ZC2HC1A: variants seen among roughly 807,000 people sequenced by gnomAD.
The protein encoded by ZC2HC1A is zinc finger C2HC-type containing 1A.
In ZC2HC1A, 28 loss-of-function variants were observed where a neutral mutation model predicts 40.7. The observed-to-expected ratio is 0.69, with a 90% CI of 0.51 to 0.94. The LOEUF (loss-of-function observed/expected upper bound fraction) is 0.94. Ranked by LOEUF, ZC2HC1A falls within the 40% of genes least tolerant of loss-of-function variation. ZC2HC1A has a pLI of 0.00. For synonymous variants in ZC2HC1A, 129 were observed against 129.2 expected, an observed-to-expected ratio of 1.00 and a Z score of 0.01; for missense variants, 389 against 386.3, an observed-to-expected ratio of 1.01 and a Z score of -0.06.
At chr8:78,706,035 T>C (rs1474185226) in intron 7 of ZC2HC1A, among the ~76,000 whole-genome samples, 1 of 152,192 alleles carries the variant, frequency 6.6e-6, no homozygotes, top group Non-Finnish European at 1.5e-5. Context: ...GACCACATTT[T>C]GGTAAAGAAG....
Position 78,700,168 on chromosome 8 carries a change from G to A in ZC2HC1A, c.704+1655G>A, listed in dbSNP as rs1810554611. Among the ~76,000 whole-genome samples the A allele has an allele frequency of 2.6e-5, 4 of 152,136 alleles. No individual in the cohort carries two copies. The South Asian group carries it at 6.2e-4, about 24-fold the overall frequency. ...TTTAACAGCAGCCATTCTGACTAGT[G>A]TGAGATAATACCTCATTGTGGTTTT... On this transcript the variant is annotated intron_variant, in intron 7 of 8. Transcript: ENST00000263849.
At chr8:78,690,411 T>G (rs925148116) in intron 5 of ZC2HC1A, among the ~76,000 whole-genome samples, 1 of 151,966 alleles carries the variant, frequency 6.6e-6, no homozygotes. Context: ...ATACAAAAAA[T>G]TAGCTGGACG....
At chr8:78,682,136 A>G (rs1296289390) in intron 3 of ZC2HC1A, among the ~76,000 whole-genome samples, 1 of 152,160 alleles carries the variant, frequency 6.6e-6, no homozygotes, top group Non-Finnish European at 1.5e-5. Context: ...GGGTATCTCA[A>G]TAATATTACA....
intron 1 of ZC2HC1A, among the ~76,000 whole-genome samples, chr8:78,668,918 A>G (rs1334168688): frequency 6.6e-6 from 1 of 152,114 alleles, no homozygotes; most frequent in Non-Finnish European, 1.5e-5. Context: ...CATATCCCTG[A>G]TAAATGGTTA....
intron 7 of ZC2HC1A, among the ~76,000 whole-genome samples, chr8:78,711,304 T>C (rs1810942401): frequency 1.3e-5 from 2 of 152,108 alleles, no homozygotes. Context: ...AACAGTGAAA[T>C]ATCCTACAAA....
intron 1 of ZC2HC1A, among the ~76,000 whole-genome samples, chr8:78,674,647 A>G (rs1397649591): frequency 6.6e-6 from 1 of 152,182 alleles, no homozygotes; most frequent in African/African-American, 2.4e-5. Flanking sequence ...ATCTGAGATG[A>G]AAAGTAATCA....
At chr8:78,694,459 G>C (rs556147711) in intron 5 of ZC2HC1A, among the ~76,000 whole-genome samples, 1 of 152,070 alleles carries the variant, frequency 6.6e-6, no homozygotes, top group East Asian at 1.9e-4. Flanking sequence ...TATCAGTCTG[G>C]AAACATTTGA....
At chr8:78,698,369 A>G in intron 6 of ZC2HC1A, 45 bp from the exon 7 acceptor site, 1 of 1,485,154 alleles carries the variant, frequency 6.7e-7, no homozygotes, top group Admixed American at 1.9e-5. Flanking sequence ...GTTTTATGTA[A>G]CCTTTTTTAG....
At chr8:78,710,861 C>T (rs1312363970) in intron 7 of ZC2HC1A, among the ~76,000 whole-genome samples, 2 of 152,020 alleles carry the variant, frequency 1.3e-5, no homozygotes, top group Non-Finnish European at 2.9e-5. Flanking sequence ...TTAATATCAA[C>T]TTTTTCAACA....
intron 1 of ZC2HC1A, among the ~76,000 whole-genome samples, chr8:78,670,480 C>CT (rs1053422423): frequency 2.0e-5 from 3 of 152,114 alleles, no homozygotes; most frequent in African/African-American, 7.2e-5. Context: ...TACTAAGCTT[C>CT]TTTTTTTAAG....
chr8:78,685,847 A>G (rs1809951321), intron 3 of ZC2HC1A: 1 of 152,234 alleles, frequency 6.6e-6, no homozygotes, highest in African/African-American at 2.4e-5. Context: ...ATAGAGTACC[A>G]CAAACTGGAT....
Position 78,712,692 on chromosome 8 carries a change from G to T in ZC2HC1A, c.705-2529G>T, listed in dbSNP as rs1332611603. On this transcript the variant is annotated intron_variant, in intron 7 of 8. Coordinates refer to ENST00000263849, the MANE Select transcript of ZC2HC1A (RefSeq NM_016010.3). The stretch of plus-strand genomic sequence containing the variant: ...CAGTTCTGACCTGGCTGGCTGAAAA[G>T]AGTGTGTGGCAATGGCAGTTACTTT... 4.6e-5 allele frequency among the ~76,000 whole-genome samples: 7 copies of T among 152,148 alleles called. No individual in the cohort carries two copies. The South Asian group carries it at 1.4e-3, about 31-fold the overall frequency.
chr8:78,715,720 T>G (rs1811080392), intron 8 of ZC2HC1A, among the ~76,000 whole-genome samples: 1 of 152,096 alleles, frequency 6.6e-6, no homozygotes, highest in Non-Finnish European at 1.5e-5. Flanking sequence ...GCAGATGTCA[T>G]TGAACTGCTG....
intron 7 of ZC2HC1A, 132 bp downstream of exon 7, chr8:78,698,645 C>A: frequency 1.7e-6 from 1 of 586,890 alleles, no homozygotes; most frequent in Non-Finnish European, 2.7e-6. Context: ...TTTTGCTGGT[C>A]AGGAGCACAC....
intron 5 of ZC2HC1A, among the ~76,000 whole-genome samples, chr8:78,694,618 A>G (rs1026104509): frequency 1.3e-5 from 2 of 152,144 alleles, no homozygotes; most frequent in African/African-American, 2.4e-5. Flanking sequence ...TGCTTTTACA[A>G]TGATTTTTTA....
At chr8:78,689,490 A>G in intron 5 of ZC2HC1A, 117 bp downstream of exon 5, 1 of 839,482 alleles carries the variant, frequency 1.2e-6, no homozygotes. Flanking sequence ...TTTTATAGAT[A>G]TATAGTTTTA....
chr8:78,678,820 A>T (rs1159864931), intron 3 of ZC2HC1A, 141 bp downstream of exon 3: 1 of 490,416 alleles, frequency 2.0e-6, no homozygotes, highest in Non-Finnish European at 3.4e-6. Flanking sequence ...ATTCTGTGTT[A>T]TATGTTCAGT....
chr8:78,714,363 T>C (rs1811034837), intron 7 of ZC2HC1A, among the ~76,000 whole-genome samples: 1 of 152,198 alleles, frequency 6.6e-6, no homozygotes, highest in East Asian at 1.9e-4. Context: ...GAGTAAGCAC[T>C]ATTATATAAA....
At position 78,703,603 on chromosome 8, in the gene ZC2HC1A, C is replaced by T. The variant is rs181029648; in HGVS notation, c.704+5090C>T. ...TTTATCAGAAATTAGGAGTACAACC[C>T]CTGCTTTTTTCTGTTTTCCATTTGC... On this transcript the variant is annotated intron_variant, in intron 7 of 8. Transcript: ENST00000263849. 3.0e-3 allele frequency among the ~76,000 whole-genome samples: 446 copies of T among 151,044 alleles called. 1 individual carries two copies. Among genetic ancestry groups the T allele is most frequent in the Non-Finnish European group, 5.5e-3 (375 of 67,836 alleles).
Sources: allele counts gnomAD v4.1 joint callset (sites outside exome capture counted in the v4.1 genomes callset), GRCh38; gene constraint gnomAD v4.1.1; transcripts MANE v1.5; gene names NCBI Gene and HGNC (gene_info 2026-07-23, HGNC 2026-07-21).